Variants in DLGAP2 observed in about 807,000 individuals in gnomAD.
The protein encoded by DLGAP2 is DLG associated protein 2, also known as disks large-associated protein 2.
Under a neutral mutation model 100.3 loss-of-function variants are expected in DLGAP2, and 26 were observed. The ratio of observed to expected loss-of-function variants is 0.26; its 90% CI spans 0.19 to 0.36. The LOEUF (loss-of-function observed/expected upper bound fraction) is 0.36. DLGAP2 is among the 10% of genes least tolerant of loss of function. The probability of loss-of-function intolerance (pLI) is 1.00; values close to 1 mark genes in which losing one functional copy is unlikely to be tolerated. For synonymous variants in DLGAP2, 886 were observed against 630.1 expected (o/e 1.41, Z -6.08); for missense variants, 1,858 against 1,453.2 (o/e 1.28, Z -4.53).
In DLGAP2 at chr8:1,337,158, TGATG is replaced by T. The variant is rs773719651; in HGVS notation, c.106+78277_106+78280del. Among the ~76,000 whole-genome samples the T allele has an allele frequency of 7.4e-4, 111 of 150,106 alleles. 2 individuals carry two copies. In the Middle Eastern group the frequency reaches 0.031, roughly 42 times the overall value. On this transcript the variant is annotated intron_variant, in intron 3 of 14. Transcript: ENST00000637795. ...ATAATGGTGGTGAGAATGATGGTGA[TGATG>T]GTGGTGATGATGATGATGGTGGTGG...
intron 3 of DLGAP2, among the ~76,000 whole-genome samples, chr8:1,489,932 C>T (rs1010895327): frequency 1.1e-4 from 16 of 152,112 alleles, no homozygotes; most frequent in African/African-American, 3.6e-4. Context: ...CACTCTGTCT[C>T]CCAGGCTGGA....
chr8:950,747 G>A (rs769874456), intron 2 of DLGAP2, among the ~76,000 whole-genome samples: 1 of 149,988 alleles, frequency 6.7e-6, no homozygotes, highest in Non-Finnish European at 1.5e-5. Context: ...TCAGCCTCCC[G>A]AGTAGCTGGG....
At chr8:1,331,539 CTT>C (rs1801158285) in intron 3 of DLGAP2, among the ~76,000 whole-genome samples, 1 of 152,210 alleles carries the variant, frequency 6.6e-6, no homozygotes, top group African/African-American at 2.4e-5. Context: ...TTTGTAAACT[CTT>C]TGCGTTTAGA....
chr8:1,219,780 A>G (rs1391383660), intron 2 of DLGAP2, among the ~76,000 whole-genome samples: 3 of 152,054 alleles, frequency 2.0e-5, no homozygotes, highest in African/African-American at 4.8e-5. Context: ...TACAGAATCA[A>G]TTTTAGAACT....
At chr8:1,047,992 C>T (rs147568384) in intron 2 of DLGAP2, among the ~76,000 whole-genome samples, 76 of 152,230 alleles carry the variant, frequency 5.0e-4, no homozygotes, top group African/African-American at 1.7e-3. Flanking sequence ...AAACCTTAGA[C>T]CGTTAAGGCC....
In DLGAP2 at chr8:1,042,760, G is replaced by A. The variant is rs186133117; in HGVS notation, c.73+134794G>A. On this transcript the variant is annotated intron_variant, in intron 2 of 14. Coordinates refer to ENST00000637795, the MANE Select transcript of DLGAP2 (RefSeq NM_001346810.2). ...TGGATGTGGGTCGTGGATGTAGGTG[G>A]TGGATGTGGGTGATGGATGTGGGTG... Among the ~76,000 whole-genome samples, 79 of 124,618 alleles carry A rather than the reference G, an allele frequency of 6.3e-4. 4 individuals are homozygous for A. The highest frequency in any genetic ancestry group is 1.6e-3 in the Admixed American group (17 of 10,694). 81.8% of individuals were successfully genotyped at this position (124,618 alleles called of 152,430 possible). A position where few individuals can be genotyped will look rare whatever the true frequency, so the allele number is the denominator to read the frequency against.
chr8:1,183,341 C>G (rs1206415989), intron 2 of DLGAP2, among the ~76,000 whole-genome samples: 1 of 152,104 alleles, frequency 6.6e-6, no homozygotes, highest in East Asian at 1.9e-4. Context: ...TGTAATTAGC[C>G]TAGCAATTAT....
At chr8:1,523,009 C>T (rs953677190) in intron 4 of DLGAP2, among the ~76,000 whole-genome samples, 1 of 152,182 alleles carries the variant, frequency 6.6e-6, no homozygotes, top group Admixed American at 6.5e-5. Context: ...AAACTAAGGA[C>T]CAGGGGCAGC....
chr8:1,005,412 T>TTTG lies in DLGAP2; in HGVS notation c.73+97448_73+97449insGTT, dbSNP rs201444990. The stretch of plus-strand genomic sequence containing the variant: ...TTCAAAACAACTCCACTTGTTTTTT[T>TTTG]TTTTTTTTTTTTTTGAGATGGGGTC... On this transcript the variant is annotated intron_variant, in intron 2 of 14. Coordinates refer to ENST00000637795, the MANE Select transcript of DLGAP2 (RefSeq NM_001346810.2). 3.2e-3 allele frequency among the ~76,000 whole-genome samples: 362 copies of TTTG among 114,520 alleles called. 1 individual carries two copies. The highest frequency in any genetic ancestry group is 3.4e-3 in the Non-Finnish European group (183 of 54,560). 75.1% of individuals were successfully genotyped at this position (114,520 alleles called of 152,430 possible). A position where few individuals can be genotyped will look rare whatever the true frequency, so the allele number is the denominator to read the frequency against.
At position 916,407 on chromosome 8, in the gene DLGAP2, C is replaced by G. The variant is rs1798594268; in HGVS notation, c.73+8441C>G. 2.0e-5 allele frequency among the ~76,000 whole-genome samples: 3 copies of G among 152,188 alleles called. No individual in the cohort carries two copies. The South Asian group carries it at 6.2e-4, about 32-fold the overall frequency. ...GTGGATGAAGCTGGAAACCATCATT[C>G]TCAGCAACTATTGCAAGGACAAAAA... On this transcript the variant is annotated intron_variant, in intron 2 of 14. Transcript: ENST00000637795.
intron 1 of DLGAP2, among the ~76,000 whole-genome samples, chr8:876,999 GT>G (rs78770250): frequency 2.7e-3 from 388 of 143,070 alleles, no homozygotes; most frequent in African/African-American, 5.3e-3. Flanking sequence ...TTTTTACCAG[GT>G]TTTTTTTTTT....
chr8:1,353,306 G>C (rs750943327), intron 3 of DLGAP2, among the ~76,000 whole-genome samples: 1 of 152,180 alleles, frequency 6.6e-6, no homozygotes, highest in East Asian at 1.9e-4. Context: ...ACAGCAGTGC[G>C]ATAAGATTGT....
chr8:1,278,034 C>T (rs1799739824), intron 3 of DLGAP2, among the ~76,000 whole-genome samples: 1 of 152,158 alleles, frequency 6.6e-6, no homozygotes, highest in South Asian at 2.1e-4. Context: ...TCAGTAACAG[C>T]TTCTCAGTAG....
At chr8:1,092,799 G>A (rs1342742039) in intron 2 of DLGAP2, among the ~76,000 whole-genome samples, 2 of 152,304 alleles carry the variant, frequency 1.3e-5, no homozygotes, top group South Asian at 2.1e-4. Flanking sequence ...CTCCCATGGA[G>A]GGCAGAATCC....
intron 3 of DLGAP2, among the ~76,000 whole-genome samples, chr8:1,316,597 C>T (rs867185088): frequency 7.1e-4 from 82 of 115,368 alleles, no homozygotes; most frequent in African/African-American, 6.4e-4. Flanking sequence ...TCGAGACACT[C>T]GGCAGCGTTT....
chr8:762,929 G>T (rs573999630), intron 1 of DLGAP2, among the ~76,000 whole-genome samples: 3 of 152,100 alleles, frequency 2.0e-5, no homozygotes, highest in Admixed American at 6.5e-5. Context: ...CACTCACCTC[G>T]GCCTCCCAAA....
At chr8:1,679,214 G>T (rs1798883845) in intron 12 of DLGAP2, among the ~76,000 whole-genome samples, 1 of 137,706 alleles carries the variant, frequency 7.3e-6, no homozygotes, top group Non-Finnish European at 1.5e-5. Context: ...ACCACCAAAG[G>T]TCTCACTCCT....
rs575935039 is a variant in DLGAP2, at chr8:1,520,577, TC to T, written c.172+19151del. On this transcript the variant is annotated intron_variant, in intron 4 of 14. Transcript: ENST00000637795. ...TCCTTGCCCTAAAAATCCTGCGTGCTCCCCCTATTCATCCCTCCCTGCCCCC... is the reference window on the plus strand; with the variant it reads ...TCCTTGCCCTAAAAATCCTGCGTGCTCCCCTATTCATCCCTCCCTGCCCCC... Among the ~76,000 whole-genome samples the T allele has an allele frequency of 2.6e-5, 4 of 152,136 alleles. No homozygotes were observed. The South Asian group carries it at 8.3e-4, about 32-fold the overall frequency.
At chr8:1,052,136 A>G (rs1038235190) in intron 2 of DLGAP2, among the ~76,000 whole-genome samples, 2 of 152,064 alleles carry the variant, frequency 1.3e-5, no homozygotes, top group African/African-American at 4.8e-5. Flanking sequence ...TATTGTGGGC[A>G]CTGAACTCCC....
Sources: gnomAD v4.1 joint callset for allele counts (sites outside exome capture counted in the v4.1 genomes callset) on GRCh38, gnomAD v4.1.1 for gene constraint, MANE v1.5 for transcripts, NCBI Gene and HGNC (gene_info 2026-07-23, HGNC 2026-07-21) for gene names.